The following MACROD2 variants were observed in gnomAD, a reference collection of about 807,000 sequenced individuals.
MACROD2 encodes the protein mono-ADP ribosylhydrolase 2.
In MACROD2, 36 loss-of-function variants were observed where a neutral mutation model predicts 70.4. The ratio of observed to expected loss-of-function variants is 0.51; its 90% CI spans 0.39 to 0.68. The LOEUF (loss-of-function observed/expected upper bound fraction) is 0.68, where lower values mean the gene tolerates loss of function less well. Among genes scored for constraint, MACROD2 ranks in the 30% least tolerant of loss-of-function variants. The pLI is 0.00. For synonymous variants in MACROD2, 172 were observed against 178.8 expected (o/e 0.96, Z 0.30); for missense variants, 496 against 538.4 (o/e 0.92, Z 0.78).
At chr20:15,779,352 T>C (rs2051790577) in intron 8 of MACROD2, among the ~76,000 whole-genome samples, 1 of 152,160 alleles carries the variant, frequency 6.6e-6, no homozygotes, top group Non-Finnish European at 1.5e-5. Context: ...TAATAATGGT[T>C]CCAGTGGTTC....
chr20:15,411,666 C>G (rs183786536), intron 6 of MACROD2, among the ~76,000 whole-genome samples: 43 of 152,324 alleles, frequency 2.8e-4, no homozygotes, highest in Non-Finnish European at 3.5e-4. Flanking sequence ...AATGCTATAT[C>G]TATAAATTGT....
intron 15 of MACROD2, among the ~76,000 whole-genome samples, chr20:16,021,541 C>T (rs983460523): frequency 6.6e-5 from 10 of 152,174 alleles, no homozygotes; most frequent in African/African-American, 2.4e-4. Flanking sequence ...GGCCTGAACA[C>T]TGCCTTGTAC....
chr20:14,032,001 C>A (rs1245753949), intron 2 of MACROD2, among the ~76,000 whole-genome samples: 1 of 152,034 alleles, frequency 6.6e-6, no homozygotes, highest in Non-Finnish European at 1.5e-5. Context: ...TGCTCTTAGT[C>A]ATGTTGCGTC....
intron 4 of MACROD2, among the ~76,000 whole-genome samples, chr20:14,680,166 A>G (rs2070914509): frequency 1.3e-5 from 2 of 152,190 alleles, no homozygotes; most frequent in Admixed American, 6.5e-5. Context: ...GAAAGGAGAG[A>G]GTCACAGATG....
At chr20:14,671,033 A>C (rs957672531) in intron 4 of MACROD2, among the ~76,000 whole-genome samples, 3 of 152,150 alleles carry the variant, frequency 2.0e-5, no homozygotes, top group African/African-American at 7.2e-5. Context: ...TAAATTGGTC[A>C]CTCATCTCTT....
chr20:14,844,934 T>C (rs1440718019), intron 5 of MACROD2, among the ~76,000 whole-genome samples: 3 of 152,116 alleles, frequency 2.0e-5, no homozygotes, highest in African/African-American at 7.2e-5. Context: ...AGCTATTCTC[T>C]ATTTCTTAGA....
chr20:14,067,011 C>T (rs1363265440), intron 2 of MACROD2, among the ~76,000 whole-genome samples: 2 of 151,010 alleles, frequency 1.3e-5, no homozygotes, highest in African/African-American at 4.9e-5. Context: ...TGGGGTTTCA[C>T]CTTGTTAGCC....
intron 4 of MACROD2, among the ~76,000 whole-genome samples, chr20:14,516,515 C>T (rs1264829106): frequency 6.6e-6 from 1 of 152,136 alleles, no homozygotes; most frequent in African/African-American, 2.4e-5. Flanking sequence ...CAGTTTTCTG[C>T]ATATGGCTAG....
Position 15,294,553 on chromosome 20 carries a change from T to C in MACROD2, c.540+64492T>C, listed in dbSNP as rs1476956353. ...TGCTCAGATCTCCTCCTCTGACAAA[T>C]GTTGAGACTTCTCCCCTTCACCTTT... On this transcript the variant is annotated intron_variant, in intron 6 of 17. Coordinates refer to ENST00000684519, the MANE Select transcript of MACROD2 (RefSeq NM_001351661.2). Among the ~76,000 whole-genome samples, 3 of 152,332 alleles carry C rather than the reference T, an allele frequency of 2.0e-5. No individual in the cohort carries two copies. The East Asian group carries it at 5.8e-4, about 29-fold the overall frequency.
chr20:15,498,530 G>T (rs778146503), intron 7 of MACROD2, among the ~76,000 whole-genome samples: 1 of 152,130 alleles, frequency 6.6e-6, no homozygotes, highest in Non-Finnish European at 1.5e-5. Flanking sequence ...AATGAATGCC[G>T]CTAGAAAGAA....
chr20:15,938,271 C>T (rs55705307), intron 12 of MACROD2, among the ~76,000 whole-genome samples: 4,365 of 152,136 alleles, frequency 0.029, 93 homozygotes, highest in Non-Finnish European at 0.046. Flanking sequence ...GTTTTCTTGC[C>T]CTTCATTTTA....
chr20:15,643,020 T>A (rs1328834892), intron 8 of MACROD2, among the ~76,000 whole-genome samples: 1 of 152,230 alleles, frequency 6.6e-6, no homozygotes, highest in Non-Finnish European at 1.5e-5. Flanking sequence ...CACTTTGCTT[T>A]AGCTGGAAAA....
intron 3 of MACROD2, among the ~76,000 whole-genome samples, chr20:14,434,932 C>T (rs1242777909): frequency 6.6e-6 from 1 of 152,170 alleles, no homozygotes; most frequent in Non-Finnish European, 1.5e-5. Flanking sequence ...AATACTTTCT[C>T]AGTGAATCAG....
chr20:14,104,034 T>TAC (rs1238552981), intron 3 of MACROD2, among the ~76,000 whole-genome samples: 3 of 152,050 alleles, frequency 2.0e-5, no homozygotes, highest in African/African-American at 4.8e-5. Flanking sequence ...TATATCTACA[T>TAC]ACACACACAC....
At chr20:14,149,642 C>T (rs2148710378) in intron 3 of MACROD2, among the ~76,000 whole-genome samples, 1 of 152,200 alleles carries the variant, frequency 6.6e-6, no homozygotes, top group South Asian at 2.1e-4. Context: ...GCCTTATAGC[C>T]AATGTGTGTT....
intron 5 of MACROD2, among the ~76,000 whole-genome samples, chr20:14,784,743 C>A (rs901983452): frequency 8.7e-5 from 13 of 149,654 alleles, no homozygotes; most frequent in Non-Finnish European, 1.6e-4. Context: ...AGCTTGCACT[C>A]AAGCTGTCAT....
intron 5 of MACROD2, among the ~76,000 whole-genome samples, chr20:15,156,887 C>T (rs1367237260): frequency 1.3e-5 from 2 of 152,140 alleles, no homozygotes; most frequent in African/African-American, 2.4e-5. Context: ...TTCTCTGGAC[C>T]CTGGCAGCAA....
chr20:14,645,055 C>A (rs567337918), intron 4 of MACROD2, among the ~76,000 whole-genome samples: 3 of 152,200 alleles, frequency 2.0e-5, no homozygotes, highest in Non-Finnish European at 2.9e-5. Flanking sequence ...AGAATTACTT[C>A]CTGTCAGTGA....
intron 9 of MACROD2, among the ~76,000 whole-genome samples, chr20:15,865,521 C>A (rs1319139594): frequency 6.6e-6 from 1 of 152,082 alleles, no homozygotes; most frequent in Non-Finnish European, 1.5e-5. Flanking sequence ...CCGTATTAAC[C>A]CTGTGCTGTG....
Sources: gnomAD v4.1 joint callset for allele counts (sites outside exome capture counted in the v4.1 genomes callset) on GRCh38, gnomAD v4.1.1 for gene constraint, MANE v1.5 for transcripts, NCBI Gene and HGNC (gene_info 2026-07-23, HGNC 2026-07-21) for gene names.